PHKB: variants seen among roughly 807,000 people sequenced by gnomAD.
The protein encoded by PHKB is phosphorylase b kinase regulatory subunit beta.
A neutral mutation model predicts 152.1 loss-of-function variants in PHKB; 122 were observed. The observed-to-expected ratio is 0.80, with a 90% CI of 0.69 to 0.93. The LOEUF (loss-of-function observed/expected upper bound fraction) is 0.93, where lower values mean the gene tolerates loss of function less well. Ranked by LOEUF, PHKB falls within the 40% of genes least tolerant of loss-of-function variation. The probability of loss-of-function intolerance (pLI) is 0.00; values close to 1 mark genes in which losing one functional copy is unlikely to be tolerated. For missense variants in PHKB, 1,304 were observed against 1,328.4 expected, an observed-to-expected ratio of 0.98 and a Z score of 0.29; for synonymous variants, 436 against 464.9, an observed-to-expected ratio of 0.94 and a Z score of 0.80.
chr16:47,566,204 A>G, intron 7 of PHKB: 3 of 733,606 alleles, frequency 4.1e-6, no homozygotes, highest in Non-Finnish European at 4.9e-6. Context: ...CACAATACCA[A>G]TCTGAATCAT....
Position 47,650,926 on chromosome 16 carries a change from C to T in PHKB, c.1971+5C>T. ...GTTCATGTGGATCGTCTACAGGTAGCCTTCTGATTTTCAGTATGCATCTAT... is the reference window on the plus strand; with the variant it reads ...GTTCATGTGGATCGTCTACAGGTAGTCTTCTGATTTTCAGTATGCATCTAT... On this transcript the variant is annotated splice_donor_5th_base_variant and intron_variant, in intron 20 of 30. Transcript: ENST00000323584. The T allele has an allele frequency of 6.3e-7, 1 of 1,594,912 alleles. No individual in the cohort carries two copies. The highest frequency in any genetic ancestry group is 8.6e-7 in the Non-Finnish European group (1 of 1,162,516).
chr16:47,490,417 A>G (rs945363124), intron 1 of PHKB, among the ~76,000 whole-genome samples: 1 of 152,236 alleles, frequency 6.6e-6, no homozygotes, highest in Non-Finnish European at 1.5e-5. Context: ...ATATACTTAG[A>G]CATTAAATTT....
chr16:47,550,598 A>T (rs1349137569), intron 7 of PHKB, among the ~76,000 whole-genome samples: 2 of 152,176 alleles, frequency 1.3e-5, no homozygotes, highest in Non-Finnish European at 2.9e-5. Flanking sequence ...CCTCAGCTGA[A>T]GTGACTGGCT....
rs55724316 is a variant in PHKB at position 47,673,129 on chromosome 16, ATT to A, written c.2630+3725_2630+3726del. Among the ~76,000 whole-genome samples the A allele has an allele frequency of 5.3e-3, 779 of 147,130 alleles. 6 individuals carry two copies. The highest frequency in any genetic ancestry group is 0.012 in the Admixed American group (180 of 14,770). ...TATTTCAGTTGGGGAGCAATCTGGTATTTTTTTTTTTTTTATTAAGGAGTTAT... is the reference window on the plus strand; with the variant it reads ...TATTTCAGTTGGGGAGCAATCTGGTATTTTTTTTTTTTATTAAGGAGTTAT... On this transcript the variant is annotated intron_variant, in intron 26 of 30. Transcript: ENST00000323584.
chr16:47,491,967 A>G (rs1290295586), intron 1 of PHKB, among the ~76,000 whole-genome samples: 1 of 152,176 alleles, frequency 6.6e-6, no homozygotes, highest in Non-Finnish European at 1.5e-5. Flanking sequence ...TTAATACCTG[A>G]CTTTAGCCAG....
intron 14 of PHKB, among the ~76,000 whole-genome samples, chr16:47,625,440 C>A (rs111865404): frequency 6.6e-6 from 1 of 152,268 alleles, no homozygotes; most frequent in South Asian, 2.1e-4. Context: ...GCTGTCTCCA[C>A]CCTTATCTCT....
chr16:47,468,204 C>G (rs766668506), intron 1 of PHKB, among the ~76,000 whole-genome samples: 1 of 152,202 alleles, frequency 6.6e-6, no homozygotes, highest in Middle Eastern at 3.2e-3. Context: ...ACTTTTATCT[C>G]TGGTCCACAC....
chr16:47,560,742 C>T (rs901104354), intron 7 of PHKB, among the ~76,000 whole-genome samples: 1 of 152,090 alleles, frequency 6.6e-6, no homozygotes, highest in African/African-American at 2.4e-5. Flanking sequence ...TATTTCACAC[C>T]ATATACAAAA....
intron 26 of PHKB, among the ~76,000 whole-genome samples, chr16:47,670,813 A>G (rs1226014566): frequency 6.6e-6 from 1 of 152,030 alleles, no homozygotes; most frequent in African/African-American, 2.4e-5. Context: ...TAAAACTTTG[A>G]TTTTGTCCAT....
At chr16:47,651,353 G>A (rs1027614995) in intron 20 of PHKB, among the ~76,000 whole-genome samples, 7 of 152,110 alleles carry the variant, frequency 4.6e-5, no homozygotes, top group African/African-American at 1.7e-4. Context: ...TTCACTGTTG[G>A]TCATAACAGC....
At position 47,656,726 on chromosome 16, in the gene PHKB, A is replaced by T. The variant is rs562298949; in HGVS notation, c.1972-3780A>T. Among the ~76,000 whole-genome samples, 3 of 152,204 alleles carry T rather than the reference A, an allele frequency of 2.0e-5. No individual in the cohort carries two copies. In the South Asian group the frequency reaches 6.2e-4, roughly 32 times the overall value. On this transcript the variant is annotated intron_variant, in intron 20 of 30. Coordinates refer to ENST00000323584, the MANE Select transcript of PHKB (RefSeq NM_000293.3). ...CCTCCATTTTTTTTTTACTAATATA[A>T]TAAATGAAAATGGCATCTATATGCT...
chr16:47,693,300 T>G, intron 27 of PHKB, 78 bp from the exon 28 acceptor site: 1 of 1,422,258 alleles, frequency 7.0e-7, no homozygotes, highest in Non-Finnish European at 9.9e-7. Flanking sequence ...ATCAGAACAA[T>G]TAGTTCATAT....
intron 13 of PHKB, among the ~76,000 whole-genome samples, chr16:47,609,191 T>C (rs1378916981): frequency 1.3e-5 from 2 of 152,168 alleles, no homozygotes; most frequent in African/African-American, 2.4e-5. Context: ...TTTGTTGATA[T>C]GGTCTATTAG....
At chr16:47,551,461 T>G (rs963440571) in intron 7 of PHKB, among the ~76,000 whole-genome samples, 5 of 152,212 alleles carry the variant, frequency 3.3e-5, no homozygotes, top group African/African-American at 1.2e-4. Context: ...CTGCCTTCAT[T>G]TTGTAATTTA....
At chr16:47,654,792 G>A (rs923161330) in intron 20 of PHKB, among the ~76,000 whole-genome samples, 19 of 147,126 alleles carry the variant, frequency 1.3e-4, no homozygotes, top group African/African-American at 4.8e-4. Context: ...TCACACACCA[G>A]GGCCTGTTGT....
chr16:47,489,161 C>T (rs928177416), intron 1 of PHKB, among the ~76,000 whole-genome samples: 1 of 152,064 alleles, frequency 6.6e-6, no homozygotes. Flanking sequence ...AGTGATTCTC[C>T]CTGCCTCAGC....
chr16:47,526,013 G>A (rs1970760046), intron 6 of PHKB, among the ~76,000 whole-genome samples: 2 of 152,100 alleles, frequency 1.3e-5, no homozygotes, highest in Admixed American at 1.3e-4. Context: ...GATACATAAT[G>A]GTCCAGTGTG....
intron 13 of PHKB, 112 bp from the exon 14 acceptor site, chr16:47,610,714 A>C: frequency 2.8e-6 from 2 of 722,552 alleles, no homozygotes. Flanking sequence ...TTTCATGTAC[A>C]CTGAGAAAAA....
At chr16:47,492,146 G>A (rs764532866) in intron 1 of PHKB, among the ~76,000 whole-genome samples, 1 of 152,180 alleles carries the variant, frequency 6.6e-6, no homozygotes, top group Non-Finnish European at 1.5e-5. Flanking sequence ...GGCTGCCATT[G>A]TAAAATGGTG....
Sources: allele counts gnomAD v4.1 joint callset (sites outside exome capture counted in the v4.1 genomes callset), GRCh38; gene constraint gnomAD v4.1.1; transcripts MANE v1.5; gene names NCBI Gene and HGNC (gene_info 2026-07-23, HGNC 2026-07-21).